SRPK2: variants seen among roughly 807,000 people sequenced by gnomAD.
The protein encoded by SRPK2 is SFRS protein kinase 2.
SRPK2 carries 21 observed loss-of-function variants against 90.8 expected under a neutral mutation model. That is an observed-to-expected ratio of 0.23 (90% CI 0.16 to 0.33). The LOEUF (loss-of-function observed/expected upper bound fraction) is 0.33, where lower values mean the gene tolerates loss of function less well. Ranked by LOEUF, SRPK2 falls within the 10% of genes least tolerant of loss-of-function variation. The probability of loss-of-function intolerance (pLI) is 1.00; values close to 1 mark genes in which losing one functional copy is unlikely to be tolerated. For synonymous variants in SRPK2, 288 were observed against 311.1 expected (o/e 0.93, Z 0.78); for missense variants, 620 against 869.0 (o/e 0.71, Z 3.60).
intron 2 of SRPK2, among the ~76,000 whole-genome samples, chr7:105,212,722 G>A (rs532030797): frequency 1.3e-5 from 2 of 152,210 alleles, no homozygotes; most frequent in African/African-American, 4.8e-5. Flanking sequence ...CAAGAAGAAA[G>A]AAAATTCATG....
At chr7:105,194,362 G>A (rs1563065517) in intron 3 of SRPK2, among the ~76,000 whole-genome samples, 1 of 151,882 alleles carries the variant, frequency 6.6e-6, no homozygotes, top group Admixed American at 6.6e-5. Context: ...AAAGAATGAG[G>A]CAAAAAAGAA....
intron 1 of SRPK2, among the ~76,000 whole-genome samples, chr7:105,396,591 A>G (rs759999125): frequency 7.2e-5 from 11 of 151,762 alleles, no homozygotes; most frequent in Non-Finnish European, 1.5e-4. Context: ...AGATTGCGCC[A>G]CTGCACTCCA....
chr7:105,267,509 G>C (rs1415956338), intron 2 of SRPK2, among the ~76,000 whole-genome samples: 2 of 152,090 alleles, frequency 1.3e-5, no homozygotes, highest in Non-Finnish European at 2.9e-5. Context: ...GAATGCTTAA[G>C]ATCAGATGGC....
At chr7:105,348,698 C>G (rs1036648830) in intron 2 of SRPK2, among the ~76,000 whole-genome samples, 2 of 151,506 alleles carry the variant, frequency 1.3e-5, no homozygotes, top group African/African-American at 4.8e-5. Flanking sequence ...GCTGGAATTA[C>G]AGGCGTGAGC....
chr7:105,286,033 A>G (rs547073460), intron 2 of SRPK2, among the ~76,000 whole-genome samples: 32 of 152,230 alleles, frequency 2.1e-4, no homozygotes, highest in South Asian at 1.2e-3. Flanking sequence ...GATAAATACT[A>G]TCGCATTATC....
intron 2 of SRPK2, among the ~76,000 whole-genome samples, chr7:105,234,435 A>G (rs2129620668): frequency 6.6e-6 from 1 of 152,322 alleles, no homozygotes; most frequent in Non-Finnish European, 1.5e-5. Flanking sequence ...TATTTCCTGG[A>G]TCTCTACGAT....
intron 2 of SRPK2, among the ~76,000 whole-genome samples, chr7:105,344,406 CCTTTT>C (rs1816206196): frequency 2.3e-5 from 3 of 128,610 alleles, no homozygotes; most frequent in South Asian, 5.2e-4. Context: ...TGCAGCCACA[CCTTTT>C]TTTTTTTTTT....
intron 13 of SRPK2, among the ~76,000 whole-genome samples, chr7:105,130,857 G>A (rs950722225): frequency 6.6e-6 from 1 of 151,746 alleles, no homozygotes; most frequent in African/African-American, 2.4e-5. Context: ...AACCTCATAA[G>A]CCGTCCTGAC....
intron 2 of SRPK2, among the ~76,000 whole-genome samples, chr7:105,386,486 G>A (rs1433659981): frequency 1.3e-5 from 2 of 152,152 alleles, no homozygotes; most frequent in African/African-American, 2.4e-5. Flanking sequence ...GGCCGAGGCC[G>A]GTGAATCACC....
At chr7:105,358,677 G>A (rs1818077340) in intron 2 of SRPK2, among the ~76,000 whole-genome samples, 1 of 151,904 alleles carries the variant, frequency 6.6e-6, no homozygotes, top group Non-Finnish European at 1.5e-5. Context: ...CAGAACAAGA[G>A]ACCCTGTCTC....
chr7:105,319,358 AT>A (rs907231426), intron 2 of SRPK2, among the ~76,000 whole-genome samples: 9 of 151,860 alleles, frequency 5.9e-5, no homozygotes, highest in Non-Finnish European at 8.8e-5. Context: ...GGTTTTGTGA[AT>A]TTTTTTTAAC....
chr7:105,319,756 A>G (rs1812727962), intron 2 of SRPK2, among the ~76,000 whole-genome samples: 1 of 152,004 alleles, frequency 6.6e-6, no homozygotes. Flanking sequence ...CCATTCATAC[A>G]CTGCTGAGTG....
intron 2 of SRPK2, among the ~76,000 whole-genome samples, chr7:105,321,612 A>G (rs1812947324): frequency 6.6e-6 from 1 of 152,210 alleles, no homozygotes; most frequent in South Asian, 2.1e-4. Context: ...ACAAAAATAA[A>G]CTACTTGATT....
rs536924882 is a variant in SRPK2 at position 105,396,277 on chromosome 7, GTCCAGTAGTTTGAC to G, written n.153+2865_153+2878del. 3.1e-4 allele frequency among the ~76,000 whole-genome samples: 47 copies of G among 152,116 alleles called. No individual in the cohort carries two copies. In the South Asian group the frequency reaches 9.6e-3, roughly 31 times the overall value. On this transcript the variant is annotated intron_variant and non_coding_transcript_variant, in intron 1 of 3. Transcript: ENST00000462282. The stretch of plus-strand genomic sequence containing the variant: ...GTGCTCACCTGTCCTGTCAGCTTCA[GTCCAGTAGTTTGAC>G]TCCAGTAGTTGAGTCCAGCCTGAAC...
chr7:105,292,737 T>C (rs552960973), intron 2 of SRPK2, among the ~76,000 whole-genome samples: 3 of 152,280 alleles, frequency 2.0e-5, no homozygotes, highest in Admixed American at 1.3e-4. Flanking sequence ...CCCTTCTAAT[T>C]GGCTGATTTG....
Position 105,146,771 on chromosome 7 carries a change from A to G in SRPK2, c.622-113T>C, listed in dbSNP as rs1339722760. 9 of 1,139,192 alleles carry G rather than the reference A, an allele frequency of 7.9e-6. No homozygotes were observed. In the Admixed American group the frequency reaches 9.7e-5, roughly 12 times the overall value. 70.6% of individuals were successfully genotyped at this position (1,139,192 alleles called of 1,614,324 possible). On this transcript the variant is annotated intron_variant, in intron 7 of 15. Coordinates refer to ENST00000393651, the MANE Select transcript of SRPK2 (RefSeq NM_182692.3). ...CCAGGGTACAAAGTTTGATAAACAC[A>G]AAAGGATATTTAGTAAAAATCTCCC...
chr7:105,157,081 G>A (rs1458880660), intron 7 of SRPK2, among the ~76,000 whole-genome samples: 8 of 152,174 alleles, frequency 5.3e-5, no homozygotes, highest in Admixed American at 1.3e-4. Flanking sequence ...ACCGGGAATT[G>A]GATGGGCTGT....
chr7:105,377,294 C>T (rs1820415377), intron 2 of SRPK2, among the ~76,000 whole-genome samples: 1 of 152,180 alleles, frequency 6.6e-6, no homozygotes, highest in African/African-American at 2.4e-5. Flanking sequence ...ATCAGCTATA[C>T]CTGACAACTC....
intron 2 of SRPK2, among the ~76,000 whole-genome samples, chr7:105,327,299 G>C (rs1000200000): frequency 6.6e-6 from 1 of 152,288 alleles, no homozygotes; most frequent in South Asian, 2.1e-4. Flanking sequence ...GTCCATAAAC[G>C]AAGTTTGATT....
Sources: allele counts gnomAD v4.1 joint callset (sites outside exome capture counted in the v4.1 genomes callset), GRCh38; gene constraint gnomAD v4.1.1; transcripts MANE v1.5; gene names NCBI Gene and HGNC (gene_info 2026-07-23, HGNC 2026-07-21).